The following KAT6A variants were observed in gnomAD, a reference collection of about 807,000 sequenced individuals.
The protein encoded by KAT6A is lysine acetyltransferase 6A.
KAT6A carries 9 observed loss-of-function variants against 198.4 expected under a neutral mutation model. That is an observed-to-expected ratio of 0.05 (90% CI 0.03 to 0.08). The LOEUF (loss-of-function observed/expected upper bound fraction) is 0.08. KAT6A is among the 10% of genes least tolerant of loss of function. The pLI is 1.00. For missense variants in KAT6A, 2,077 were observed against 2,509.9 expected, an observed-to-expected ratio of 0.83 and a Z score of 3.69; for synonymous variants, 890 against 883.0, an observed-to-expected ratio of 1.01 and a Z score of -0.14.
At position 41,948,135 on chromosome 8, in the gene KAT6A, G is replaced by A. The variant is rs1467289696; in HGVS notation, c.1741-223C>T. On this transcript the variant is annotated intron_variant, in intron 10 of 16. Transcript: ENST00000265713. ...TATAAAACCTCATACCTTCAACATA[G>A]CAGGAACAGCCAGATAAGGAAGTGA... Among the ~76,000 whole-genome samples, 3 of 152,126 alleles carry A rather than the reference G, an allele frequency of 2.0e-5. No homozygotes were observed. The East Asian group carries it at 5.8e-4, about 29-fold the overall frequency.
At chr8:42,046,712 A>C (rs1240162105) in intron 2 of KAT6A, among the ~76,000 whole-genome samples, 1 of 152,186 alleles carries the variant, frequency 6.6e-6, no homozygotes, top group Non-Finnish European at 1.5e-5. Flanking sequence ...ACATGTGATA[A>C]AGTTTCTACA....
rs147670032 is a variant in KAT6A, at chr8:42,014,490, T to C, written c.601-26927A>G. The stretch of plus-strand genomic sequence containing the variant: ...TTTTTGGCTTGAGATCAAGAGGCTA[T>C]GCTCTCTTTTAAAACACACACGCAG... On this transcript the variant is annotated intron_variant, in intron 2 of 16. Coordinates refer to ENST00000265713, the MANE Select transcript of KAT6A (RefSeq NM_006766.5). Among the ~76,000 whole-genome samples the C allele has an allele frequency of 9.8e-3, 1,491 of 152,344 alleles. 14 individuals carry two copies. Among genetic ancestry groups the C allele is most frequent in the South Asian group, 0.036 (176 of 4,824 alleles).
chr8:42,044,891 CTTTT>C (rs1255993896), intron 2 of KAT6A, among the ~76,000 whole-genome samples: 1 of 152,132 alleles, frequency 6.6e-6, no homozygotes. Flanking sequence ...TAATTCTTTT[CTTTT>C]TTTGAGAACA....
At chr8:41,976,120 A>C (rs1295720911) in intron 7 of KAT6A, among the ~76,000 whole-genome samples, 1 of 152,192 alleles carries the variant, frequency 6.6e-6, no homozygotes, top group South Asian at 2.1e-4. Context: ...TGCACTGGAC[A>C]ATCAACCACG....
At chr8:41,968,654 T>C (rs940693028) in intron 8 of KAT6A, among the ~76,000 whole-genome samples, 3 of 152,218 alleles carry the variant, frequency 2.0e-5, no homozygotes, top group African/African-American at 7.2e-5. Flanking sequence ...TAAATCATGC[T>C]GCTATAAAGA....
chr8:41,986,459 A>T (rs564456237), intron 3 of KAT6A, among the ~76,000 whole-genome samples: 1 of 152,316 alleles, frequency 6.6e-6, no homozygotes, highest in East Asian at 1.9e-4. Context: ...ATCAAGAAAG[A>T]CGAAGTAGCG....
intron 2 of KAT6A, among the ~76,000 whole-genome samples, chr8:42,005,793 C>T (rs1054623507): frequency 4.8e-5 from 7 of 145,962 alleles, no homozygotes; most frequent in Non-Finnish European, 9.0e-5. Flanking sequence ...CACACACACA[C>T]ACACACTCAC....
intron 8 of KAT6A, among the ~76,000 whole-genome samples, chr8:41,960,506 CAAAAAAAAA>C (rs71548553): frequency 5.9e-5 from 5 of 85,184 alleles, no homozygotes; most frequent in Non-Finnish European, 1.2e-4. Flanking sequence ...GACTCCGTCT[CAAAAAAAAA>C]AAAAAAAAAA....
intron 8 of KAT6A, among the ~76,000 whole-genome samples, chr8:41,958,564 C>T (rs890772265): frequency 3.3e-5 from 5 of 152,108 alleles, no homozygotes; most frequent in Non-Finnish European, 7.4e-5. Context: ...AGAAATGAAG[C>T]TACAAGTCCA....
At chr8:41,961,021 A>T (rs1823181536) in intron 8 of KAT6A, among the ~76,000 whole-genome samples, 1 of 152,124 alleles carries the variant, frequency 6.6e-6, no homozygotes, top group Non-Finnish European at 1.5e-5. Flanking sequence ...GTCTCACATT[A>T]TACACCTACC....
intron 12 of KAT6A, among the ~76,000 whole-genome samples, chr8:41,945,296 G>A (rs1405340362): frequency 6.7e-6 from 1 of 149,036 alleles, no homozygotes; most frequent in South Asian, 2.1e-4. Context: ...TTTTGAGATG[G>A]AGTTTTGCTC....
At chr8:41,940,370 A>T (rs904789697) in intron 15 of KAT6A, among the ~76,000 whole-genome samples, 1 of 152,252 alleles carries the variant, frequency 6.6e-6, no homozygotes, top group African/African-American at 2.4e-5. Flanking sequence ...AATAGCACCC[A>T]AGATGAGCTA....
intron 2 of KAT6A, among the ~76,000 whole-genome samples, chr8:42,003,983 T>A (rs1195299861): frequency 6.6e-6 from 1 of 152,222 alleles, no homozygotes; most frequent in Non-Finnish European, 1.5e-5. Flanking sequence ...CTTAAGCCAT[T>A]TAGTCTACGG....
intron 10 of KAT6A, 101 bp from the exon 11 acceptor site, chr8:41,948,013 T>C: frequency 2.1e-6 from 2 of 931,092 alleles, no homozygotes; most frequent in African/African-American, 1.7e-5. Context: ...CAGTCCAGAC[T>C]AGGAGAAGGT....
In KAT6A at chr8:41,996,372, A is replaced by G. The variant is rs868322237; in HGVS notation, c.601-8809T>C. On this transcript the variant is annotated intron_variant, in intron 2 of 16. Coordinates refer to ENST00000265713, the MANE Select transcript of KAT6A (RefSeq NM_006766.5). ...GAGACACACTGGCATATCCAATTAA[A>G]AGAGTATGGAAGAAGTACACATATA... 2.6e-4 allele frequency among the ~76,000 whole-genome samples: 39 copies of G among 152,366 alleles called. No homozygotes were observed. In the Middle Eastern group the frequency reaches 0.014, roughly 53 times the overall value.
At position 42,020,382 on chromosome 8, in the gene KAT6A, T is replaced by C. The variant is rs181583125; in HGVS notation, c.600+27996A>G. Among the ~76,000 whole-genome samples the C allele has an allele frequency of 2.5e-3, 378 of 152,338 alleles. 1 individual carries two copies. Among genetic ancestry groups the C allele is most frequent in the Non-Finnish European group, 4.4e-3 (300 of 68,038 alleles). ...TCTATTGGGAACCTAGATGTCACGG[T>C]ATCAGATAAACTAGGTTCACTGTCT... On this transcript the variant is annotated intron_variant, in intron 2 of 16. Transcript: ENST00000265713.
At position 41,992,087 on chromosome 8, in the gene KAT6A, G is replaced by T. The variant is rs376993870; in HGVS notation, c.601-4524C>A. ...ACGGTGGTGAGCACCTGTAGTCCCAGCTACTTGAGAGGGTGAGGTGGGAGG... is the reference window on the plus strand; with the variant it reads ...ACGGTGGTGAGCACCTGTAGTCCCATCTACTTGAGAGGGTGAGGTGGGAGG... On this transcript the variant is annotated intron_variant, in intron 2 of 16. Coordinates refer to ENST00000265713, the MANE Select transcript of KAT6A (RefSeq NM_006766.5). Among the ~76,000 whole-genome samples, 14 of 152,130 alleles carry T rather than the reference G, an allele frequency of 9.2e-5. No individual in the cohort carries two copies. The East Asian group carries it at 2.7e-3, about 29-fold the overall frequency.
intron 2 of KAT6A, among the ~76,000 whole-genome samples, chr8:42,029,744 G>A (rs2150921029): frequency 6.6e-6 from 1 of 151,752 alleles, no homozygotes; most frequent in African/African-American, 2.4e-5. Flanking sequence ...TTACAGGCAT[G>A]AGCCACCATG....
In KAT6A at chr8:41,941,276, C is replaced by T; in HGVS notation, c.2605G>A (p.Gly869Arg). ...TCCTGGGTTTTTCTGTTCTTCCTCC[C>T]CCAGCGGCCCCTCCGAGATGGCTGG... ...NSQPSRRGRW[G>R]RKNRKTQERF... The change falls in exon 15 of 17, where the codon GGG becomes AGG. Residue 869 changes from glycine (G) to arginine (R), a missense_variant. By Grantham distance (125) the Gly-to-Arg change is moderately radical (BLOSUM62 -2). Transcript: ENST00000265713. 1 of 1,614,046 alleles carries T rather than the reference C, an allele frequency of 6.2e-7. No homozygotes were observed. Among genetic ancestry groups the T allele is most frequent in the Non-Finnish European group, 8.5e-7 (1 of 1,180,026 alleles).
Sources: allele counts gnomAD v4.1 joint callset (sites outside exome capture counted in the v4.1 genomes callset), GRCh38; gene constraint gnomAD v4.1.1; transcripts MANE v1.5; gene names NCBI Gene and HGNC (gene_info 2026-07-23, HGNC 2026-07-21).